Variants in PZP observed in about 807,000 individuals in gnomAD.
PZP encodes the protein PZP alpha-2-macroglobulin like, also known as pregnancy zone protein.
Under a neutral mutation model 179.8 loss-of-function variants are expected in PZP, and 150 were observed. The ratio of observed to expected loss-of-function variants is 0.83; its 90% CI spans 0.73 to 0.96. The LOEUF (loss-of-function observed/expected upper bound fraction) is 0.96. Among genes scored for constraint, PZP ranks in the 40% least tolerant of loss-of-function variants. The pLI, the probability that PZP is intolerant of heterozygous loss-of-function variation, is 0.00. For synonymous variants in PZP, 624 were observed against 652.3 expected (o/e 0.96, Z 0.66); for missense variants, 1,689 against 1,764.0 (o/e 0.96, Z 0.76).
chr12:9,169,033 T>A, intron 16 of PZP, 59 bp from the exon 17 acceptor site: 1 of 1,284,786 alleles, frequency 7.8e-7, no homozygotes, highest in Non-Finnish European at 1.1e-6. Flanking sequence ...ATAAAACATA[T>A]TATCCTTAGA....
chr12:9,184,464 C>CA (rs1456590866), intron 13 of PZP, among the ~76,000 whole-genome samples: 1 of 152,242 alleles, frequency 6.6e-6, no homozygotes, highest in Non-Finnish European at 1.5e-5. Flanking sequence ...GGGGATCCCC[C>CA]AATCCCCTGA....
chr12:9,162,361 T>C, intron 22 of PZP: 1 of 471,210 alleles, frequency 2.1e-6, no homozygotes, highest in Non-Finnish European at 3.7e-6. Flanking sequence ...AAGGGCTACG[T>C]ATGAACCAAG....
intron 15 of PZP, among the ~76,000 whole-genome samples, chr12:9,173,848 C>T (rs1252711739): frequency 6.6e-6 from 1 of 152,046 alleles, no homozygotes; most frequent in African/African-American, 2.4e-5. Flanking sequence ...AATCTACCAA[C>T]CAAAAAAAGC....
At chr12:9,192,315 A>G (rs2121104019) in intron 12 of PZP, 59 bp from the exon 13 acceptor site, 7 of 1,515,902 alleles carry the variant, frequency 4.6e-6, no homozygotes, top group East Asian at 2.3e-5. Flanking sequence ...TCAGCCTTCT[A>G]TTCCCCACAT....
At chr12:9,165,030 C>A in intron 19 of PZP, 109 bp downstream of exon 19, 1 of 1,344,800 alleles carries the variant, frequency 7.4e-7, no homozygotes. Context: ...ACAGTGCTAA[C>A]ACACAATCCC....
intron 20 of PZP, 68 bp from the exon 21 acceptor site, chr12:9,163,857 C>A: frequency 6.6e-7 from 1 of 1,516,424 alleles, no homozygotes. Context: ...AGGGCTGCAC[C>A]TTAAACTTAT....
At chr12:9,178,387 T>A (rs1942531282) in intron 15 of PZP, among the ~76,000 whole-genome samples, 1 of 152,178 alleles carries the variant, frequency 6.6e-6, no homozygotes, top group Non-Finnish European at 1.5e-5. Context: ...AGTATCTCAG[T>A]GCTTGTGTTC....
At chr12:9,159,145 G>A (rs986955588) in intron 25 of PZP, among the ~76,000 whole-genome samples, 1 of 151,972 alleles carries the variant, frequency 6.6e-6, no homozygotes, top group African/African-American at 2.4e-5. Flanking sequence ...TTTTATTCTA[G>A]CATTTTTCTA....
intron 7 of PZP, among the ~76,000 whole-genome samples, chr12:9,199,330 C>T (rs1007009574): frequency 2.6e-5 from 4 of 152,126 alleles, no homozygotes; most frequent in Non-Finnish European, 4.4e-5. Context: ...ATCGTATCAG[C>T]GCATCCTCCT....
chr12:9,149,397 G>A (rs1940183808), intron 35 of PZP, among the ~76,000 whole-genome samples, 164 bp downstream of exon 35: 1 of 152,136 alleles, frequency 6.6e-6, no homozygotes, highest in Non-Finnish European at 1.5e-5. Context: ...TGGAGAGTCC[G>A]CTACAGAATA....
At position 9,170,944 on chromosome 12, in the gene PZP, G is replaced by A. The variant is rs74060501; in HGVS notation, c.1840-1353C>T. ...CCTGCTGGCTTTGGAGAATACAGGT[G>A]ATCCAGGTGAGGAAGGATCCCACCC... On this transcript the variant is annotated intron_variant, in intron 15 of 35. Transcript: ENST00000261336. This position sits in a 1 kb window ranked among gnomAD's most constrained non-coding sequence, Gnocchi z 4.6. Among the ~76,000 whole-genome samples the A allele has an allele frequency of 0.039, 5,902 of 152,270 alleles. 398 individuals carry two copies. Among genetic ancestry groups the A allele is most frequent in the African/African-American group, 0.13 (5,408 of 41,542 alleles).
downstream of PZP, among the ~76,000 whole-genome samples, chr12:9,148,557 A>G (rs765761351): frequency 6.6e-6 from 1 of 151,988 alleles, no homozygotes; most frequent in Non-Finnish European, 1.5e-5. Flanking sequence ...ACTTCTCCTC[A>G]TCTCAAACAT....
At chr12:9,181,870 G>T in intron 14 of PZP, 105 bp downstream of exon 14, 2 of 1,269,394 alleles carry the variant, frequency 1.6e-6, no homozygotes, top group Non-Finnish European at 2.2e-6. Context: ...GAACTGTTGG[G>T]CAACTCATTT....
chr12:9,197,436 T>G (rs1056127348), intron 7 of PZP, among the ~76,000 whole-genome samples: 4 of 136,174 alleles, frequency 2.9e-5, no homozygotes, highest in African/African-American at 8.5e-5. Context: ...TTATTAATTA[T>G]TGGAGTACTG....
chr12:9,188,228 A>C (rs1053458069), intron 13 of PZP, among the ~76,000 whole-genome samples: 1 of 152,260 alleles, frequency 6.6e-6, no homozygotes, highest in African/African-American at 2.4e-5. Context: ...ACATAGGCAT[A>C]TCAATAAATG....
intron 35 of PZP, 35 bp from the exon 36 acceptor site, chr12:9,149,029 C>T: frequency 1.9e-6 from 3 of 1,597,520 alleles, no homozygotes; most frequent in Non-Finnish European, 2.6e-6. Context: ...GAGGTTGTAT[C>T]ATTTCCTGAG....
chr12:9,163,621 C>T (rs373443267), intron 21 of PZP, 47 bp downstream of exon 21: 48 of 1,599,608 alleles, frequency 3.0e-5, no homozygotes, highest in East Asian at 6.7e-5. Flanking sequence ...AGTGACCGCC[C>T]GGTGTTGCAT....
downstream of PZP, among the ~76,000 whole-genome samples, chr12:9,148,240 T>C (rs926268464): frequency 7.9e-5 from 12 of 152,206 alleles, no homozygotes; most frequent in African/African-American, 2.7e-4. Flanking sequence ...GGTTAAACTC[T>C]ACTCCTTAGC....
chr12:9,157,619 T>A, intron 27 of PZP, 148 bp downstream of exon 27: 1 of 762,982 alleles, frequency 1.3e-6, no homozygotes, highest in Non-Finnish European at 2.1e-6. Context: ...AAATCTCTCT[T>A]AATGCATCAA....
Sources: allele counts gnomAD v4.1 joint callset (sites outside exome capture counted in the v4.1 genomes callset), GRCh38; gene constraint gnomAD v4.1.1; non-coding constraint Gnocchi (gnomAD v3.1); transcripts MANE v1.5; gene names NCBI Gene and HGNC (gene_info 2026-07-23, HGNC 2026-07-21).